The following ATP6V0D2 variants were observed in gnomAD, a reference collection of about 807,000 sequenced individuals.
The protein encoded by ATP6V0D2 is ATPase H+ transporting V0 subunit d2, also known as V-type proton ATPase subunit d 2.
ATP6V0D2 carries 40 observed loss-of-function variants against 40.0 expected under a neutral mutation model. The ratio of observed to expected loss-of-function variants is 1.00; its 90% CI spans 0.78 to 1.30. ATP6V0D2 has a LOEUF of 1.30. ATP6V0D2 is among the 50% of genes most tolerant of loss of function. ATP6V0D2 has a pLI of 0.00. For missense variants in ATP6V0D2, 470 were observed against 423.1 expected, an observed-to-expected ratio of 1.11 and a Z score of -0.97; for synonymous variants, 179 against 156.3, an observed-to-expected ratio of 1.15 and a Z score of -1.08.
At chr8:86,129,234 C>G (rs547873970) in intron 2 of ATP6V0D2, among the ~76,000 whole-genome samples, 2 of 152,332 alleles carry the variant, frequency 1.3e-5, no homozygotes, top group South Asian at 4.1e-4. Flanking sequence ...TCAGGTTTAT[C>G]TGTTTCAAAG....
At chr8:86,137,750 T>A (rs1586099430) in intron 2 of ATP6V0D2, among the ~76,000 whole-genome samples, 1 of 152,166 alleles carries the variant, frequency 6.6e-6, no homozygotes, top group Non-Finnish European at 1.5e-5. Flanking sequence ...AATGTGAGGG[T>A]TCAGAGGAAG....
At chr8:86,110,952 A>G (rs967008830) in intron 1 of ATP6V0D2, among the ~76,000 whole-genome samples, 17 of 152,160 alleles carry the variant, frequency 1.1e-4, no homozygotes, top group African/African-American at 3.9e-4. Context: ...TGAATTAACA[A>G]GTATGTGAAT....
chr8:86,112,142 A>T (rs1818534660), intron 1 of ATP6V0D2, among the ~76,000 whole-genome samples: 1 of 152,254 alleles, frequency 6.6e-6, no homozygotes, highest in Non-Finnish European at 1.5e-5. Flanking sequence ...AAGGAGTCAC[A>T]GGTAAAAGAT....
In ATP6V0D2 at chr8:86,133,347, G is replaced by C. The variant is rs1346001499; in HGVS notation, c.303-6110G>C. Among the ~76,000 whole-genome samples, 4 of 113,350 alleles carry C rather than the reference G, an allele frequency of 3.5e-5. 1 individual carries two copies. The highest frequency in any genetic ancestry group is 3.4e-5 in the Non-Finnish European group (2 of 58,838). 74.4% of individuals were successfully genotyped at this position (113,350 alleles called of 152,430 possible). ...TTTTTTTTTTTTTTTTTTTTGAGAT[G>C]GAGTCTCGCTCTGTCACCAGGCTGG... On this transcript the variant is annotated intron_variant, in intron 2 of 7. Transcript: ENST00000285393.
In ATP6V0D2 at chr8:86,152,703, C is replaced by T. The variant is rs1586108130; in HGVS notation, c.892-113C>T. 8.8e-6 allele frequency: 9 copies of T among 1,024,162 alleles called. No homozygotes were observed. The East Asian group carries it at 2.3e-4, about 26-fold the overall frequency. 63.4% of individuals were successfully genotyped at this position (1,024,162 alleles called of 1,614,324 possible). ...TCTATTTGGCCCAATTTAGAGATTG[C>T]CTGTTTAAACACAAATAAGCACTGC... On this transcript the variant is annotated intron_variant, in intron 7 of 7. Coordinates refer to ENST00000285393, the MANE Select transcript of ATP6V0D2 (RefSeq NM_152565.1).
chr8:86,141,644 C>A lies in ATP6V0D2; in HGVS notation c.561+115C>A, dbSNP rs529859351. ...CAACTTCTGCAATTATGAAACTGTGCATATTTGGAATATAGCTTTTATAGT... is the reference window on the plus strand; with the variant it reads ...CAACTTCTGCAATTATGAAACTGTGAATATTTGGAATATAGCTTTTATAGT... On this transcript the variant is annotated intron_variant, in intron 4 of 7. Transcript: ENST00000285393. 1.6e-5 allele frequency: 11 copies of A among 700,724 alleles called. 1 individual carries two copies. The highest frequency in any genetic ancestry group is 2.3e-5 in the South Asian group (1 of 43,296). The allele number at this position is 700,724 out of a possible 1,614,324, so 43.4% of individuals were successfully genotyped here.
intron 4 of ATP6V0D2, 22 bp from the exon 5 acceptor site, chr8:86,142,855 T>G: frequency 6.9e-7 from 1 of 1,454,608 alleles, no homozygotes; most frequent in East Asian, 2.3e-5. Flanking sequence ...TATATCACTT[T>G]ATGATCTTTT....
Position 86,099,117 on chromosome 8 carries a change from A to G in ATP6V0D2, c.130+9A>G. On this transcript the variant is annotated intron_variant, in intron 1 of 7. Transcript: ENST00000285393. The stretch of plus-strand genomic sequence containing the variant: ...GTGTGAGACCCTAGAAGGTAAGTGT[A>G]GCTCTTCTCACCCTTTAAAAAGAAA... 5.6e-6 allele frequency: 9 copies of G among 1,599,204 alleles called. No individual in the cohort carries two copies. Among genetic ancestry groups the G allele is most frequent in the Non-Finnish European group, 7.7e-6 (9 of 1,175,202 alleles).
chr8:86,143,743 G>C (rs1043816658), intron 5 of ATP6V0D2, among the ~76,000 whole-genome samples: 29 of 152,156 alleles, frequency 1.9e-4, no homozygotes, highest in Admixed American at 8.5e-4. Flanking sequence ...AACCGTCTAG[G>C]AATGCAGCCC....
intron 4 of ATP6V0D2, among the ~76,000 whole-genome samples, chr8:86,142,621 C>G (rs1184188860): frequency 3.9e-5 from 6 of 152,030 alleles, no homozygotes; most frequent in African/African-American, 9.7e-5. Flanking sequence ...AATCCAAAAC[C>G]ATGCAAAAAA....
intron 2 of ATP6V0D2, among the ~76,000 whole-genome samples, chr8:86,126,262 ATC>A (rs1818743960): frequency 1.5e-5 from 2 of 131,328 alleles, no homozygotes; most frequent in Admixed American, 7.7e-5. Flanking sequence ...ATATATATAT[ATC>A]TTTTTGTATA....
chr8:86,118,908 T>C (rs1164700171), intron 2 of ATP6V0D2, among the ~76,000 whole-genome samples: 1 of 152,186 alleles, frequency 6.6e-6, no homozygotes, highest in African/African-American at 2.4e-5. Flanking sequence ...AGTGCAATAA[T>C]CTGCCCTGAT....
chr8:86,115,600 C>G (rs2130241450), intron 2 of ATP6V0D2, among the ~76,000 whole-genome samples: 1 of 151,858 alleles, frequency 6.6e-6, no homozygotes, highest in East Asian at 1.9e-4. Flanking sequence ...GAGCTTCCAA[C>G]CGCAGGTAAT....
chr8:86,131,129 TATAAC>T (rs1818817069), intron 2 of ATP6V0D2, among the ~76,000 whole-genome samples: 1 of 152,022 alleles, frequency 6.6e-6, no homozygotes, highest in Admixed American at 6.6e-5. Flanking sequence ...CCCAAAATAA[TATAAC>T]ATATTTAATT....
intron 2 of ATP6V0D2, among the ~76,000 whole-genome samples, chr8:86,124,628 A>G (rs576461842): frequency 6.6e-6 from 1 of 152,218 alleles, no homozygotes; most frequent in Non-Finnish European, 1.5e-5. Context: ...TTAGTCACTC[A>G]AAGCCTTGGT....
At chr8:86,116,749 G>A (rs967851968) in intron 2 of ATP6V0D2, among the ~76,000 whole-genome samples, 6 of 152,000 alleles carry the variant, frequency 3.9e-5, no homozygotes, top group African/African-American at 1.4e-4. Flanking sequence ...TTTTAGCAGT[G>A]GAAGTAGTGA....
At chr8:86,142,197 A>G (rs181581672) in intron 4 of ATP6V0D2, among the ~76,000 whole-genome samples, 12 of 152,330 alleles carry the variant, frequency 7.9e-5, no homozygotes, top group African/African-American at 2.6e-4. Flanking sequence ...AAAGCATTGT[A>G]TTGCAGGCAG....
chr8:86,141,548 A>T lies in ATP6V0D2; in HGVS notation c.561+19A>T, dbSNP rs1265721044. ...ATACAAGGTAATGGTTTTCCCAAAT[A>T]TTGTCTTTTTCTTGATTACACAATG... On this transcript the variant is annotated intron_variant, in intron 4 of 7. Coordinates refer to ENST00000285393, the MANE Select transcript of ATP6V0D2 (RefSeq NM_152565.1). 3.9e-6 allele frequency: 6 copies of T among 1,544,436 alleles called. No individual in the cohort carries two copies. Among genetic ancestry groups the T allele is most frequent in the Non-Finnish European group, 5.3e-6 (6 of 1,130,730 alleles).
intron 2 of ATP6V0D2, among the ~76,000 whole-genome samples, chr8:86,115,400 A>G (rs11991263): frequency 0.012 from 1,234 of 106,850 alleles, 17 homozygotes; most frequent in African/African-American, 0.045. Context: ...ACTGAGTCTC[A>G]TTCTGTCGCT....
Sources: gnomAD v4.1 joint callset for allele counts (sites outside exome capture counted in the v4.1 genomes callset) on GRCh38, gnomAD v4.1.1 for gene constraint, MANE v1.5 for transcripts, NCBI Gene and HGNC (gene_info 2026-07-23, HGNC 2026-07-21) for gene names.